MAP3K21: variants seen among roughly 807,000 people sequenced by gnomAD.
The protein encoded by MAP3K21 is mitogen-activated protein kinase kinase kinase 21, also known as mitogen-activated protein kinase kinase kinase MLK4.
MAP3K21 carries 63 observed loss-of-function variants against 86.1 expected under a neutral mutation model. That is an observed-to-expected ratio of 0.73 (90% confidence interval 0.60 to 0.90). MAP3K21 has a LOEUF of 0.90. MAP3K21 is among the 40% of genes least tolerant of loss of function. MAP3K21 has a pLI of 0.00. For missense variants in MAP3K21, 1,220 were observed against 1,367.7 expected (o/e 0.89, Z 1.70); for synonymous variants, 558 against 564.8 (o/e 0.99, Z 0.17).
intron 1 of MAP3K21, among the ~76,000 whole-genome samples, chr1:233,334,626 C>T (rs956537182): frequency 1.3e-5 from 2 of 151,934 alleles, no homozygotes; most frequent in Admixed American, 6.6e-5. Flanking sequence ...ACAGGCATTT[C>T]GCATGTGGTC....
intron 3 of MAP3K21, 126 bp from the exon 4 acceptor site, chr1:233,354,710 T>C: frequency 1.3e-6 from 1 of 771,028 alleles, no homozygotes; most frequent in Non-Finnish European, 2.2e-6. Context: ...GAGCAGATAC[T>C]ATAAATGGAA....
chr1:233,355,246 G>T (rs936283790), intron 4 of MAP3K21, among the ~76,000 whole-genome samples: 14 of 152,092 alleles, frequency 9.2e-5, no homozygotes, highest in Admixed American at 5.9e-4. Context: ...AAAAGAGAGA[G>T]AGAGCAAATA....
In MAP3K21 at chr1:233,362,056, C is replaced by T. The variant is rs1663475343; in HGVS notation, c.1315C>T (p.Leu439=). Residue 439 remains leucine, a synonymous_variant, in exon 5 of 10, where the codon CTG becomes TTG. Coordinates refer to ENST00000366624, the MANE Select transcript of MAP3K21 (RefSeq NM_032435.3). ...FDELRTKEKE[L]RSREEELTRA... is the part of the protein sequence containing the mutation. ...TGGGTGTGAATCTGTGTCGCAGGAG[C>T]TGCGATCCCGGGAAGAGGAGCTGAC... 2 of 1,611,468 alleles carry T rather than the reference C, an allele frequency of 1.2e-6. No individual in the cohort carries two copies. The highest frequency in any genetic ancestry group is 1.7e-5 in the Admixed American group (1 of 59,768).
chr1:233,351,519 C>T (rs1319864798), intron 2 of MAP3K21, among the ~76,000 whole-genome samples: 8 of 151,864 alleles, frequency 5.3e-5, no homozygotes, highest in Non-Finnish European at 8.8e-5. Context: ...GGTGAAACCC[C>T]GTGTCTACTA....
intron 2 of MAP3K21, among the ~76,000 whole-genome samples, chr1:233,350,831 G>A (rs1663237794): frequency 6.6e-6 from 1 of 152,158 alleles, no homozygotes; most frequent in Non-Finnish European, 1.5e-5. Flanking sequence ...GAGTTCTCAG[G>A]AGAGCGTTTC....
intron 5 of MAP3K21, among the ~76,000 whole-genome samples, chr1:233,368,907 C>G (rs1049943286): frequency 2.2e-5 from 3 of 138,436 alleles, no homozygotes; most frequent in African/African-American, 7.9e-5. Context: ...ATGTTTCCCA[C>G]AGAGAAAGTA....
intron 1 of MAP3K21, among the ~76,000 whole-genome samples, chr1:233,341,924 T>C (rs926222945): frequency 6.6e-6 from 1 of 152,170 alleles, no homozygotes; most frequent in Non-Finnish European, 1.5e-5. Context: ...GGAACAATTA[T>C]TGTTTAAAGG....
intron 8 of MAP3K21, among the ~76,000 whole-genome samples, chr1:233,377,648 T>C (rs1227892095): frequency 6.6e-6 from 1 of 152,220 alleles, no homozygotes; most frequent in African/African-American, 2.4e-5. Context: ...ACCAGTTTCA[T>C]GGAAGACAGT....
At chr1:233,351,060 A>T (rs1236148199) in intron 2 of MAP3K21, among the ~76,000 whole-genome samples, 7 of 151,854 alleles carry the variant, frequency 4.6e-5, no homozygotes, top group African/African-American at 1.7e-4. Context: ...ATTTGTTAAT[A>T]GGAATTTCTT....
At chr1:233,356,807 A>G (rs1482281658) in intron 4 of MAP3K21, among the ~76,000 whole-genome samples, 1 of 152,236 alleles carries the variant, frequency 6.6e-6, no homozygotes, top group Non-Finnish European at 1.5e-5. Flanking sequence ...AACTGACTAT[A>G]AATGAAATGA....
intron 1 of MAP3K21, among the ~76,000 whole-genome samples, chr1:233,329,405 G>T (rs1662768627): frequency 6.6e-6 from 1 of 152,170 alleles, no homozygotes; most frequent in Non-Finnish European, 1.5e-5. Context: ...TGTAATCCCA[G>T]CACTTTGGGA....
At chr1:233,341,704 G>A (rs1002439934) in intron 1 of MAP3K21, among the ~76,000 whole-genome samples, 5 of 152,064 alleles carry the variant, frequency 3.3e-5, no homozygotes, top group Non-Finnish European at 5.9e-5. Flanking sequence ...CCTTTGCATC[G>A]CAAGGGCTGC....
chr1:233,331,087 T>C (rs908230928), intron 1 of MAP3K21, among the ~76,000 whole-genome samples: 2 of 152,202 alleles, frequency 1.3e-5, no homozygotes, highest in African/African-American at 4.8e-5. Flanking sequence ...AAAACTTGTA[T>C]AGTGGAGTAT....
At chr1:233,344,077 G>C (rs890828238) in intron 1 of MAP3K21, among the ~76,000 whole-genome samples, 46 of 152,172 alleles carry the variant, frequency 3.0e-4, no homozygotes, top group African/African-American at 1.1e-3. Flanking sequence ...GGAAGGGCCA[G>C]GTAGGAGGGT....
intron 2 of MAP3K21, among the ~76,000 whole-genome samples, chr1:233,350,323 A>C (rs1663226790): frequency 1.3e-5 from 2 of 152,142 alleles, no homozygotes; most frequent in Admixed American, 6.5e-5. Flanking sequence ...TATTAAAAAA[A>C]CTGAGAAACT....
intron 1 of MAP3K21, among the ~76,000 whole-genome samples, chr1:233,331,402 A>G (rs1042200860): frequency 1.3e-5 from 2 of 152,218 alleles, no homozygotes; most frequent in East Asian, 1.9e-4. Flanking sequence ...TGCCTCATAC[A>G]TGGTCTTTAT....
At chr1:233,358,954 C>T (rs867960743) in intron 4 of MAP3K21, among the ~76,000 whole-genome samples, 3 of 151,976 alleles carry the variant, frequency 2.0e-5, no homozygotes, top group Admixed American at 6.6e-5. Flanking sequence ...GGATTACAGG[C>T]GCCCACCACC....
At chr1:233,352,284 C>A (rs1663264402) in intron 2 of MAP3K21, among the ~76,000 whole-genome samples, 1 of 152,162 alleles carries the variant, frequency 6.6e-6, no homozygotes, top group South Asian at 2.1e-4. Context: ...GGGTAATTAG[C>A]ATATCCTTCA....
intron 5 of MAP3K21, among the ~76,000 whole-genome samples, 169 bp downstream of exon 5, chr1:233,362,462 T>A (rs1214227405): frequency 6.6e-6 from 1 of 152,140 alleles, no homozygotes; most frequent in African/African-American, 2.4e-5. Context: ...TGTAATGGCC[T>A]AATGAGATTC....
Sources: gnomAD v4.1 joint callset for allele counts (sites outside exome capture counted in the v4.1 genomes callset) on GRCh38, gnomAD v4.1.1 for gene constraint, MANE v1.5 for transcripts, NCBI Gene and HGNC (gene_info 2026-07-23, HGNC 2026-07-21) for gene names.